The following KHDRBS3 variants were observed in gnomAD, a reference collection of about 807,000 sequenced individuals.
KHDRBS3 encodes KH domain-containing, RNA-binding, signal transduction-associated protein 3.
Under a neutral mutation model 45.6 loss-of-function variants are expected in KHDRBS3, and 23 were observed. The ratio of observed to expected loss-of-function variants is 0.50; its 90% CI spans 0.36 to 0.72. The LOEUF is 0.72. Among genes scored for constraint, KHDRBS3 ranks in the 30% least tolerant of loss-of-function variants. KHDRBS3 has a pLI of 0.00. For missense variants in KHDRBS3, 352 were observed against 424.8 expected (o/e 0.83, Z 1.51); for synonymous variants, 162 against 156.5 (o/e 1.04, Z -0.26).
chr8:135,618,967 G>A (rs766269823), intron 7 of KHDRBS3, among the ~76,000 whole-genome samples: 1 of 152,160 alleles, frequency 6.6e-6, no homozygotes, highest in Admixed American at 6.5e-5. Context: ...TGGCACCTTC[G>A]TTATCACCAG....
At chr8:135,623,896 C>T (rs559222862) in intron 7 of KHDRBS3, among the ~76,000 whole-genome samples, 1 of 152,222 alleles carries the variant, frequency 6.6e-6, no homozygotes, top group African/African-American at 2.4e-5. Context: ...CAAATCAATG[C>T]AAATACATCA....
chr8:135,621,896 T>G (rs1222500143), intron 7 of KHDRBS3, among the ~76,000 whole-genome samples: 1 of 151,992 alleles, frequency 6.6e-6, no homozygotes, highest in African/African-American at 2.4e-5. Context: ...ACAGATTTTT[T>G]TTTTGTTTTG....
intron 1 of KHDRBS3, among the ~76,000 whole-genome samples, chr8:135,480,280 T>A (rs565426499): frequency 1.3e-5 from 2 of 152,018 alleles, no homozygotes; most frequent in East Asian, 3.9e-4. Context: ...TCTTGGAGAG[T>A]CTAGTCAGGG....
rs770400804 is a variant in KHDRBS3 at position 135,581,914 on chromosome 8, TGTA to T, written c.652_654del (p.Val218del). 4 of 1,609,016 alleles carry T rather than the reference TGTA, an allele frequency of 2.5e-6. No homozygotes were observed. In the Admixed American group the frequency reaches 5.0e-5, roughly 20 times the overall value. The stretch of plus-strand genomic sequence containing the variant: ...GAGTTACAGCCCGGCCAGTTGGAGT[TGTA>T]GTACCACGAGGGACGCCAACTCCCA... On this transcript the variant is annotated inframe_deletion, in exon 6 of 9. Transcript: ENST00000355849.
chr8:135,556,728 T>A (rs942129323), intron 4 of KHDRBS3, among the ~76,000 whole-genome samples: 4 of 152,190 alleles, frequency 2.6e-5, no homozygotes, highest in African/African-American at 9.7e-5. Context: ...TTTTGTAAAA[T>A]AGATTACATT....
chr8:135,570,832 A>C (rs1827668108), intron 5 of KHDRBS3, among the ~76,000 whole-genome samples: 1 of 152,120 alleles, frequency 6.6e-6, no homozygotes, highest in Non-Finnish European at 1.5e-5. Flanking sequence ...GGTCCACCGA[A>C]TTCCTTCTAC....
At chr8:135,596,462 A>G (rs911254746) in intron 6 of KHDRBS3, among the ~76,000 whole-genome samples, 2 of 152,226 alleles carry the variant, frequency 1.3e-5, no homozygotes, top group African/African-American at 4.8e-5. Flanking sequence ...TCAGCTTCCA[A>G]TCATAGCAGT....
intron 1 of KHDRBS3, among the ~76,000 whole-genome samples, chr8:135,510,900 C>T (rs1285500113): frequency 1.3e-5 from 2 of 152,210 alleles, no homozygotes; most frequent in East Asian, 1.9e-4. Flanking sequence ...GTACTGGCCT[C>T]CTCTCTTCCC....
chr8:135,470,651 TCTCGG>T (rs1563700847), intron 1 of KHDRBS3, among the ~76,000 whole-genome samples: 1 of 151,666 alleles, frequency 6.6e-6, no homozygotes, highest in African/African-American at 2.4e-5. Context: ...AATGATGTGA[TCTCGG>T]CTCACTGCAA....
At chr8:135,531,786 G>C (rs74465271) in intron 2 of KHDRBS3, among the ~76,000 whole-genome samples, 4,476 of 152,214 alleles carry the variant, frequency 0.029, 211 homozygotes, top group African/African-American at 0.099. Flanking sequence ...GGGCTAGAAT[G>C]ACTTCATTAT....
intron 7 of KHDRBS3, among the ~76,000 whole-genome samples, chr8:135,617,036 C>G (rs552727275): frequency 6.6e-6 from 1 of 152,098 alleles, no homozygotes; most frequent in African/African-American, 2.4e-5. Flanking sequence ...AGCTCTACTA[C>G]TTTCTTAGCT....
Position 135,647,131 on chromosome 8 carries a change from A to G in KHDRBS3, c.*47A>G, listed in dbSNP as rs751658516. ...AATAGCCAATCTCCACCAGTCCTGT[A>G]TACTGTTCAAAGTAATTTTTTTCTA... On this transcript the variant is annotated 3_prime_UTR_variant, in exon 9 of 9. Transcript: ENST00000355849. 2 of 921,738 alleles carry G rather than the reference A, an allele frequency of 2.2e-6. No individual in the cohort carries two copies. Among genetic ancestry groups the G allele is most frequent in the East Asian group, 2.6e-5 (1 of 38,694 alleles). 57.1% of individuals were successfully genotyped at this position (921,738 alleles called of 1,614,324 possible).
intron 1 of KHDRBS3, among the ~76,000 whole-genome samples, chr8:135,479,179 T>C (rs1188825319): frequency 6.6e-6 from 1 of 152,200 alleles, no homozygotes; most frequent in Admixed American, 6.5e-5. Flanking sequence ...TTATAGGGAA[T>C]ACTATGAACA....
intron 4 of KHDRBS3, among the ~76,000 whole-genome samples, chr8:135,554,977 T>C (rs1826801381): frequency 6.6e-6 from 1 of 152,200 alleles, no homozygotes; most frequent in Non-Finnish European, 1.5e-5. Flanking sequence ...TCGTTTTCAT[T>C]GTGGCCATAC....
intron 5 of KHDRBS3, among the ~76,000 whole-genome samples, chr8:135,558,380 A>G (rs1018903424): frequency 1.3e-5 from 2 of 152,110 alleles, no homozygotes; most frequent in Admixed American, 1.3e-4. Flanking sequence ...AATAATGCAA[A>G]TTTTTCAATT....
chr8:135,617,804 T>C (rs1829981812), intron 7 of KHDRBS3, among the ~76,000 whole-genome samples: 1 of 152,176 alleles, frequency 6.6e-6, no homozygotes. Flanking sequence ...GTCAATAAAA[T>C]CCCAACAAAT....
intron 2 of KHDRBS3, among the ~76,000 whole-genome samples, chr8:135,528,098 T>G (rs1825283575): frequency 6.6e-6 from 1 of 152,236 alleles, no homozygotes; most frequent in African/African-American, 2.4e-5. Flanking sequence ...ATTGTCCTTT[T>G]AGCCTCTAAG....
chr8:135,637,962 T>C (rs531904344), intron 7 of KHDRBS3, among the ~76,000 whole-genome samples: 1 of 151,970 alleles, frequency 6.6e-6, no homozygotes, highest in South Asian at 2.1e-4. Flanking sequence ...CCACCCCTCC[T>C]TTTTAAAATC....
chr8:135,470,082 G>T (rs1191566163), intron 1 of KHDRBS3, among the ~76,000 whole-genome samples: 1 of 152,176 alleles, frequency 6.6e-6, no homozygotes. Flanking sequence ...TGTTCAGCAG[G>T]CTATTCGTCT....
Sources: allele counts gnomAD v4.1 joint callset (sites outside exome capture counted in the v4.1 genomes callset), GRCh38; gene constraint gnomAD v4.1.1; transcripts MANE v1.5; gene names NCBI Gene and HGNC (gene_info 2026-07-23, HGNC 2026-07-21).